The following DLG2 variants were observed in gnomAD, a reference collection of about 807,000 sequenced individuals.
The protein encoded by DLG2 is discs large MAGUK scaffold protein 2, also known as disks large homolog 2.
In DLG2, 45 loss-of-function variants were observed where a neutral mutation model predicts 132.5. The ratio of observed to expected loss-of-function variants is 0.34; its 90% confidence interval spans 0.27 to 0.44. The LOEUF is 0.44. DLG2 is among the 20% of genes least tolerant of loss of function. The pLI, the probability that DLG2 is intolerant of heterozygous loss-of-function variation, is 1.00. For synonymous variants in DLG2, 424 were observed against 419.6 expected (o/e 1.01, Z -0.13); for missense variants, 1,045 against 1,196.9 (o/e 0.87, Z 1.87).
intron 7 of DLG2, among the ~76,000 whole-genome samples, chr11:84,442,706 A>AAAAGAAAGAAAGAAAG (rs56224511): frequency 2.0e-3 from 305 of 148,980 alleles, no homozygotes; most frequent in African/African-American, 7.5e-3. Flanking sequence ...TAATTAAAAA[A>AAAAGAAAGAAAGAAAG]AAAGAAAGAA....
At chr11:83,616,762 G>A (rs2060879122) in intron 19 of DLG2, among the ~76,000 whole-genome samples, 1 of 152,000 alleles carries the variant, frequency 6.6e-6, no homozygotes, top group Non-Finnish European at 1.5e-5. Flanking sequence ...TTATCTTCTA[G>A]ACTTTTATTG....
chr11:84,584,984 G>A (rs966581050), intron 6 of DLG2, among the ~76,000 whole-genome samples: 3 of 151,658 alleles, frequency 2.0e-5, no homozygotes, highest in Non-Finnish European at 4.4e-5. Context: ...CACCGCGCCC[G>A]GCCCCAGCAT....
intron 6 of DLG2, among the ~76,000 whole-genome samples, chr11:84,578,138 A>C (rs1366321104): frequency 6.6e-6 from 1 of 152,194 alleles, no homozygotes; most frequent in Non-Finnish European, 1.5e-5. Context: ...AAATGACTGG[A>C]TGCCTGGGCA....
At chr11:84,723,159 T>C (rs983524581) in intron 6 of DLG2, among the ~76,000 whole-genome samples, 2 of 152,152 alleles carry the variant, frequency 1.3e-5, no homozygotes, top group Admixed American at 6.5e-5. Flanking sequence ...TAGCCTATAA[T>C]TTGGATTTCA....
intron 3 of DLG2, among the ~76,000 whole-genome samples, chr11:85,508,839 C>A (rs576286518): frequency 5.9e-5 from 9 of 151,956 alleles, no homozygotes; most frequent in African/African-American, 2.2e-4. Context: ...TAGCATCTGA[C>A]AGATAGTAGA....
intron 18 of DLG2, among the ~76,000 whole-genome samples, chr11:83,703,627 C>A (rs563072014): frequency 5.3e-5 from 8 of 152,176 alleles, no homozygotes; most frequent in Non-Finnish European, 8.8e-5. Context: ...CCAGCCTGGG[C>A]AACAAGAGTG....
chr11:83,477,034 C>G (rs555168270), intron 22 of DLG2, among the ~76,000 whole-genome samples: 1 of 152,192 alleles, frequency 6.6e-6, no homozygotes, highest in East Asian at 1.9e-4. Context: ...TAGTTTCACT[C>G]AGATTAGTTC....
rs552714255 is a variant in DLG2, at chr11:84,066,184, A to AT, written c.750-6701dup. Reference sequence around the variant, plus strand: ...CCCCTACGACATGCAATTCACCTATATAACAAACATGCACATGTACCCCCG... The same window carrying AT: ...CCCCTACGACATGCAATTCACCTATATTAACAAACATGCACATGTACCCCCG... On this transcript the variant is annotated intron_variant, in intron 10 of 27. Coordinates refer to ENST00000376104, the MANE Select transcript of DLG2 (RefSeq NM_001142699.3). Among the ~76,000 whole-genome samples, 328 of 152,292 alleles carry AT rather than the reference A, an allele frequency of 2.2e-3. 2 individuals carry two copies. The highest frequency in any genetic ancestry group is 7.6e-3 in the African/African-American group (314 of 41,560).
intron 16 of DLG2, among the ~76,000 whole-genome samples, chr11:83,839,412 C>T (rs76567963): frequency 0.027 from 4,122 of 152,172 alleles, 82 homozygotes; most frequent in Middle Eastern, 0.075. Context: ...TCCTAATAAC[C>T]TATTACAGCA....
chr11:85,618,850 C>T (rs2081514835), intron 2 of DLG2, among the ~76,000 whole-genome samples: 1 of 152,104 alleles, frequency 6.6e-6, no homozygotes, highest in Non-Finnish European at 1.5e-5. Flanking sequence ...AATAATAGGC[C>T]TAAGGGAGAA....
intron 8 of DLG2, among the ~76,000 whole-genome samples, chr11:84,218,413 G>GAAGGAAGC (rs745381791): frequency 6.6e-6 from 1 of 151,326 alleles, no homozygotes; most frequent in Non-Finnish European, 1.5e-5. Flanking sequence ...AGGAAGGAAG[G>GAAGGAAGC]ATTGACAGAA....
intron 7 of DLG2, among the ~76,000 whole-genome samples, chr11:84,349,141 G>C (rs1194306668): frequency 6.6e-6 from 1 of 152,260 alleles, no homozygotes; most frequent in South Asian, 2.1e-4. Context: ...AGTTGTTTTA[G>C]CCATTCCTCG....
chr11:85,178,253 C>T (rs2079447158), intron 4 of DLG2, among the ~76,000 whole-genome samples: 1 of 151,832 alleles, frequency 6.6e-6, no homozygotes, highest in Non-Finnish European at 1.5e-5. Context: ...GTGAAGTATT[C>T]AGGGAAAAAA....
intron 3 of DLG2, among the ~76,000 whole-genome samples, chr11:85,507,768 G>A (rs1034658704): frequency 1.3e-5 from 2 of 152,102 alleles, no homozygotes; most frequent in Non-Finnish European, 2.9e-5. Context: ...TGCTAGGTCT[G>A]GGAAGTTCTC....
At chr11:85,108,111 C>G (rs2072111922) in intron 6 of DLG2, among the ~76,000 whole-genome samples, 1 of 151,806 alleles carries the variant, frequency 6.6e-6, no homozygotes, top group South Asian at 2.1e-4. Context: ...GCAAAGCAAT[C>G]TGGAGGAGCC....
intron 18 of DLG2, among the ~76,000 whole-genome samples, chr11:83,774,724 T>G (rs1566917052): frequency 6.6e-6 from 1 of 152,188 alleles, no homozygotes; most frequent in Non-Finnish European, 1.5e-5. Flanking sequence ...CAATGCTCAC[T>G]CAAATATGTG....
intron 7 of DLG2, among the ~76,000 whole-genome samples, chr11:84,458,604 CT>C (rs1354073095): frequency 6.6e-6 from 1 of 150,650 alleles, no homozygotes; most frequent in East Asian, 1.9e-4. Flanking sequence ...GTTAAGAGCT[CT>C]TTAGAGTTTA....
At chr11:84,956,015 G>A (rs558258050) in intron 6 of DLG2, among the ~76,000 whole-genome samples, 76 of 152,292 alleles carry the variant, frequency 5.0e-4, no homozygotes, top group African/African-American at 1.8e-3. Context: ...CATGTTTCCA[G>A]CAGAATAAGG....
intron 6 of DLG2, among the ~76,000 whole-genome samples, chr11:85,015,769 T>C (rs988550128): frequency 1.3e-5 from 2 of 152,158 alleles, no homozygotes; most frequent in South Asian, 2.1e-4. Context: ...GTGTCAAGAA[T>C]TGTTTCCACA....
Sources: gnomAD v4.1 joint callset for allele counts (sites outside exome capture counted in the v4.1 genomes callset) on GRCh38, gnomAD v4.1.1 for gene constraint, MANE v1.5 for transcripts, NCBI Gene and HGNC (gene_info 2026-07-23, HGNC 2026-07-21) for gene names.